Variants in GUCY1A2 observed in about 807,000 individuals in gnomAD.
GUCY1A2 encodes guanylate cyclase soluble subunit alpha-2.
A neutral mutation model predicts 63.5 loss-of-function variants in GUCY1A2; 27 were observed. That is an observed-to-expected ratio of 0.43 (90% CI 0.31 to 0.59). The LOEUF is 0.59. Ranked by LOEUF, GUCY1A2 falls within the 20% of genes least tolerant of loss-of-function variation. The pLI is 0.11. For missense variants in GUCY1A2, 768 were observed against 913.3 expected (o/e 0.84, Z 2.05); for synonymous variants, 364 against 343.5 (o/e 1.06, Z -0.66).
rs867861568 is a variant in GUCY1A2, at chr11:106,685,769, T to C, written c.*1780A>G. 8.8e-6 allele frequency: 2 copies of C among 226,994 alleles called. No individual in the cohort carries two copies. Among genetic ancestry groups the C allele is most frequent in the Middle Eastern group, 1.3e-3 (1 of 754 alleles). The allele number at this position is 226,994 out of a possible 1,614,324, so 14.1% of individuals were successfully genotyped here. ...AGGGGGTCAGGCAAAGGTTTAGAGCTCAAGGTCTATTTCCTGTCTTCTCCA... is the reference window on the plus strand; with the variant it reads ...AGGGGGTCAGGCAAAGGTTTAGAGCCCAAGGTCTATTTCCTGTCTTCTCCA... On this transcript the variant is annotated 3_prime_UTR_variant, in exon 8 of 8. Coordinates refer to ENST00000526355, the MANE Select transcript of GUCY1A2 (RefSeq NM_000855.3).
chr11:106,821,197 G>A (rs1171679221), intron 4 of GUCY1A2, among the ~76,000 whole-genome samples: 1 of 152,076 alleles, frequency 6.6e-6, no homozygotes, highest in African/African-American at 2.4e-5. Flanking sequence ...GCATTCTGTT[G>A]TGCAAATTTT....
intron 4 of GUCY1A2, among the ~76,000 whole-genome samples, chr11:106,864,042 G>A (rs556482773): frequency 3.3e-5 from 5 of 151,906 alleles, no homozygotes; most frequent in African/African-American, 1.2e-4. Flanking sequence ...TTGAGACAGG[G>A]CATCACACAC....
At chr11:106,930,520 A>C (rs1860586643) in intron 4 of GUCY1A2, among the ~76,000 whole-genome samples, 1 of 152,202 alleles carries the variant, frequency 6.6e-6, no homozygotes, top group South Asian at 2.1e-4. Flanking sequence ...GCCCTATCAA[A>C]GCATATGTAA....
chr11:106,839,301 T>G (rs906527131), intron 4 of GUCY1A2, among the ~76,000 whole-genome samples: 1 of 151,896 alleles, frequency 6.6e-6, no homozygotes, highest in Non-Finnish European at 1.5e-5. Flanking sequence ...TGTGGTATTA[T>G]TTCTGAGATA....
chr11:106,898,522 GGCTATCAA>G (rs1224384227), intron 4 of GUCY1A2, among the ~76,000 whole-genome samples: 4 of 152,070 alleles, frequency 2.6e-5, no homozygotes, highest in East Asian at 1.9e-4. Context: ...AAAAGAAATG[GGCTATCAA>G]GCTATCAAGC....
intron 3 of GUCY1A2, among the ~76,000 whole-genome samples, chr11:106,967,099 C>T (rs765569448): frequency 1.3e-5 from 2 of 152,226 alleles, no homozygotes; most frequent in Non-Finnish European, 2.9e-5. Flanking sequence ...TTTCAGTCAA[C>T]GTTTTCCTGG....
chr11:106,693,926 T>C (rs972324646), intron 7 of GUCY1A2, among the ~76,000 whole-genome samples: 1 of 152,154 alleles, frequency 6.6e-6, no homozygotes, highest in South Asian at 2.1e-4. Context: ...GTTTGCTTTT[T>C]TGTTTTGGTC....
intron 5 of GUCY1A2, among the ~76,000 whole-genome samples, chr11:106,781,727 C>CT (rs35371316): frequency 0.033 from 4,628 of 142,116 alleles, 90 homozygotes; most frequent in South Asian, 0.054. Context: ...CCATGCCTGC[C>CT]TTTTTTTTTT....
intron 5 of GUCY1A2, among the ~76,000 whole-genome samples, chr11:106,779,531 T>A (rs757139870): frequency 2.6e-5 from 4 of 152,324 alleles, no homozygotes; most frequent in Non-Finnish European, 4.4e-5. Context: ...ATATAGTCAG[T>A]AAATTGCCTG....
intron 5 of GUCY1A2, among the ~76,000 whole-genome samples, chr11:106,784,794 A>G (rs1864528339): frequency 6.6e-6 from 1 of 152,130 alleles, no homozygotes; most frequent in Non-Finnish European, 1.5e-5. Context: ...TTGTATATTA[A>G]TGAGATTAAT....
At chr11:107,004,915 A>G (rs1158773253) in intron 1 of GUCY1A2, among the ~76,000 whole-genome samples, 2 of 152,184 alleles carry the variant, frequency 1.3e-5, no homozygotes, top group Non-Finnish European at 2.9e-5. Context: ...TCATAGAACC[A>G]TGAGTATATA....
intron 4 of GUCY1A2, among the ~76,000 whole-genome samples, chr11:106,868,044 A>G (rs1859619902): frequency 6.6e-6 from 1 of 152,088 alleles, no homozygotes; most frequent in South Asian, 2.1e-4. Context: ...AAATTCTGAA[A>G]GCTCTATTCC....
intron 4 of GUCY1A2, among the ~76,000 whole-genome samples, chr11:106,902,305 T>C (rs1860145254): frequency 6.6e-6 from 1 of 152,240 alleles, no homozygotes; most frequent in Non-Finnish European, 1.5e-5. Flanking sequence ...CAAGGCTTTG[T>C]TGTTCTATTT....
chr11:106,895,783 G>T (rs1860038997), intron 4 of GUCY1A2, among the ~76,000 whole-genome samples: 1 of 151,860 alleles, frequency 6.6e-6, no homozygotes, highest in Non-Finnish European at 1.5e-5. Flanking sequence ...AACAAAACCA[G>T]ACAAAGACAT....
chr11:107,003,573 C>T (rs927401596), intron 1 of GUCY1A2, among the ~76,000 whole-genome samples: 1 of 152,190 alleles, frequency 6.6e-6, no homozygotes, highest in Non-Finnish European at 1.5e-5. Context: ...CTTCAATCCT[C>T]TATTTATTAA....
rs1366077737 is a variant in GUCY1A2, at chr11:106,940,024, A to T, written c.642T>A (p.Phe214Leu). Residue 214 changes from phenylalanine to leucine, a missense_variant, in exon 4 of 8, where the codon TTT (phenylalanine) becomes TTA (leucine). Phe to Leu is a conservative substitution (Grantham distance 22). Coordinates refer to ENST00000526355, the MANE Select transcript of GUCY1A2 (RefSeq NM_000855.3). Reference protein sequence around the residue: ...DALLEHIRTSFGKQATLESPS... With the variant: ...DALLEHIRTSLGKQATLESPS... ...GTGACTCCAGAGTGGCCTGTTTTCC[A>T]AAAGAAGTTCTAATGTGTTCCAACA... 1 of 1,614,080 alleles carries T rather than the reference A, an allele frequency of 6.2e-7. No homozygotes were observed. Among genetic ancestry groups the T allele is most frequent in the East Asian group, 2.2e-5 (1 of 44,874 alleles).
At chr11:106,715,764 C>T (rs1863202780) in intron 6 of GUCY1A2, among the ~76,000 whole-genome samples, 1 of 152,154 alleles carries the variant, frequency 6.6e-6, no homozygotes, top group Non-Finnish European at 1.5e-5. Flanking sequence ...ATTGCCTCAT[C>T]TAAAATACAT....
At position 106,810,189 on chromosome 11, in the gene GUCY1A2, G is replaced by A. The variant is rs370955647; in HGVS notation, c.1496C>T (p.Pro499Leu). The change falls in exon 5 of 8, where the codon CCT becomes CTT. Residue 499 changes from proline to leucine, a missense_variant. By Grantham distance (98) the Pro-to-Leu change is moderately conservative (BLOSUM62 -3). Transcript: ENST00000526355. ...KTVDLLYSIF[P>L]GDVAQQLWQG... The stretch of plus-strand genomic sequence containing the variant: ...CCATAATTGCTGGGCTACATCACCA[G>A]GGAAAATAGAATATAGAAGATCCAC... The A allele has an allele frequency of 1.1e-5, 18 of 1,613,682 alleles. No homozygotes were observed. The highest frequency in any genetic ancestry group is 1.4e-5 in the Non-Finnish European group (17 of 1,179,796).
intron 6 of GUCY1A2, among the ~76,000 whole-genome samples, chr11:106,712,649 G>GA (rs1215759777): frequency 2.1e-5 from 3 of 144,114 alleles, no homozygotes; most frequent in East Asian, 5.1e-4. Flanking sequence ...TAATGACTTG[G>GA]AAAAAATTTG....
Sources: allele counts gnomAD v4.1 joint callset (sites outside exome capture counted in the v4.1 genomes callset), GRCh38; gene constraint gnomAD v4.1.1; transcripts MANE v1.5; gene names NCBI Gene and HGNC (gene_info 2026-07-23, HGNC 2026-07-21).